The following INVS variants were observed in gnomAD, a reference collection of about 807,000 sequenced individuals.
INVS encodes the protein inversion of embryo turning homolog.
In INVS, 86 loss-of-function variants were observed where a neutral mutation model predicts 108.8. The observed-to-expected ratio is 0.79, with a 90% CI of 0.66 to 0.95. INVS has a LOEUF of 0.95. Among genes scored for constraint, INVS ranks in the 40% least tolerant of loss-of-function variants. The probability of loss-of-function intolerance (pLI) is 0.00; values close to 1 mark genes in which losing one functional copy is unlikely to be tolerated. For synonymous variants in INVS, 455 were observed against 473.5 expected, an observed-to-expected ratio of 0.96 and a Z score of 0.51; for missense variants, 1,169 against 1,297.4, an observed-to-expected ratio of 0.90 and a Z score of 1.52.
At chr9:100,100,929 A>ATATTATATATT (rs1564112297) in intron 1 of INVS, among the ~76,000 whole-genome samples, 1 of 24,332 alleles carries the variant, frequency 4.1e-5, no homozygotes, top group Non-Finnish European at 6.2e-5. Context: ...TATATATATA[A>ATATTATATATT]TATATATAAT....
chr9:100,100,647 T>TAC (rs1826824961), intron 1 of INVS, among the ~76,000 whole-genome samples: 2 of 36,498 alleles, frequency 5.5e-5, no homozygotes, highest in South Asian at 1.5e-3. Context: ...ATTATATATG[T>TAC]ATATATAATA....
At chr9:100,300,487 T>C (rs1479167954) in intron 16 of INVS, 81 bp from the exon 17 acceptor site, 4 of 987,482 alleles carry the variant, frequency 4.1e-6, no homozygotes, top group Admixed American at 1.8e-5. Context: ...CCGAAATCCT[T>C]CTTCCTCAAC....
chr9:100,102,256 G>A (rs985013328), intron 1 of INVS, among the ~76,000 whole-genome samples: 120 of 151,894 alleles, frequency 7.9e-4, no homozygotes, highest in African/African-American at 2.8e-3. Context: ...TGCCACCACA[G>A]CCCAGCTAAT....
In INVS at chr9:100,161,613, A is replaced by AGATG. The variant is rs553912870; in HGVS notation, c.273+35094_273+35097dup. Among the ~76,000 whole-genome samples, 1,284 of 151,748 alleles carry AGATG rather than the reference A, an allele frequency of 8.5e-3. 7 individuals carry two copies. Among genetic ancestry groups the AGATG allele is most frequent in the Non-Finnish European group, 0.011 (729 of 67,872 alleles). On this transcript the variant is annotated intron_variant, in intron 3 of 16. Coordinates refer to ENST00000262457, the MANE Select transcript of INVS (RefSeq NM_014425.5). Reference sequence around the variant, plus strand: ...CCATAATGCTGTTGAGTGGCTGGCCAGATGGATGGATGGATGGATGGATGG... The same window carrying AGATG: ...CCATAATGCTGTTGAGTGGCTGGCCAGATGGATGGATGGATGGATGGATGGATGG...
At chr9:100,172,057 T>G (rs924914458) in intron 3 of INVS, among the ~76,000 whole-genome samples, 2 of 152,080 alleles carry the variant, frequency 1.3e-5, no homozygotes, top group South Asian at 2.1e-4. Context: ...GGACACATAG[T>G]CTAAAGAGTC....
At chr9:100,177,142 T>G (rs1418664639) in intron 3 of INVS, among the ~76,000 whole-genome samples, 3 of 152,076 alleles carry the variant, frequency 2.0e-5, no homozygotes, top group Non-Finnish European at 4.4e-5. Context: ...ATCAGGAGAT[T>G]CCCTTGGGTG....
intron 2 of INVS, among the ~76,000 whole-genome samples, chr9:100,125,681 A>ATTTTTT (rs68122542): frequency 2.0e-5 from 2 of 99,028 alleles, no homozygotes; most frequent in Admixed American, 1.1e-4. Context: ...ATCAACTGTG[A>ATTTTTT]TTTTTTTTTT....
At chr9:100,222,819 CT>C (rs201620953) in intron 3 of INVS, among the ~76,000 whole-genome samples, 11,267 of 137,280 alleles carry the variant, frequency 0.082, 683 homozygotes, top group African/African-American at 0.19. Flanking sequence ...CCTGGGCAAA[CT>C]TTTTTTTTTT....
intron 2 of INVS, among the ~76,000 whole-genome samples, chr9:100,125,226 C>T (rs905926914): frequency 3.3e-5 from 5 of 152,134 alleles, no homozygotes; most frequent in African/African-American, 7.2e-5. Context: ...TTGCTTAATT[C>T]GGGGCATTGA....
At chr9:100,103,148 C>T (rs781000696) in intron 1 of INVS, among the ~76,000 whole-genome samples, 5 of 152,024 alleles carry the variant, frequency 3.3e-5, no homozygotes, top group Admixed American at 2.0e-4. Context: ...CCATCACACC[C>T]GGCCTTAACT....
chr9:100,113,884 C>G (rs1023158478), intron 2 of INVS, among the ~76,000 whole-genome samples: 3 of 152,114 alleles, frequency 2.0e-5, no homozygotes, highest in African/African-American at 7.2e-5. Context: ...AAAGAAAACA[C>G]TTTCATTTTG....
intron 12 of INVS, among the ~76,000 whole-genome samples, chr9:100,280,194 C>G (rs1295931760): frequency 6.6e-6 from 1 of 152,180 alleles, no homozygotes; most frequent in Non-Finnish European, 1.5e-5. Context: ...GGGAATATCT[C>G]TGCCCCACAA....
At chr9:100,239,089 AC>A (rs1831783287) in intron 5 of INVS, among the ~76,000 whole-genome samples, 1 of 152,244 alleles carries the variant, frequency 6.6e-6, no homozygotes, top group Non-Finnish European at 1.5e-5. Flanking sequence ...ATGTGACAAT[AC>A]CTGTTTGAAG....
chr9:100,122,669 C>T (rs928364163), intron 2 of INVS, among the ~76,000 whole-genome samples: 4 of 144,780 alleles, frequency 2.8e-5, no homozygotes, highest in East Asian at 2.0e-4. Flanking sequence ...CTGCAAGCTC[C>T]GTCTCCCGGG....
At chr9:100,260,014 G>T (rs1832566004) in intron 10 of INVS, among the ~76,000 whole-genome samples, 1 of 151,178 alleles carries the variant, frequency 6.6e-6, no homozygotes, top group Non-Finnish European at 1.5e-5. Flanking sequence ...TGGGATTACA[G>T]GCGCACACCA....
intron 14 of INVS, 141 bp from the exon 15 acceptor site, chr9:100,296,776 G>A (rs927289133): frequency 1.1e-5 from 8 of 699,246 alleles, no homozygotes; most frequent in Admixed American, 7.2e-5. Flanking sequence ...ACATGCTGCC[G>A]CCAAAATTAG....
chr9:100,229,229 G>C (rs574488779), intron 4 of INVS, among the ~76,000 whole-genome samples: 12 of 152,212 alleles, frequency 7.9e-5, no homozygotes, highest in African/African-American at 2.9e-4. Context: ...CAATAATTTT[G>C]AGCTTTGGGG....
intron 12 of INVS, among the ~76,000 whole-genome samples, chr9:100,276,151 T>C (rs1416086122): frequency 1.3e-5 from 2 of 152,302 alleles, no homozygotes; most frequent in Middle Eastern, 3.4e-3. Context: ...TGAAAATGTA[T>C]CTACTCTTAA....
chr9:100,302,160 ACAACTT>A lies in INVS; in HGVS notation c.*1490_*1495del. 1 of 1,322,784 alleles carries A rather than the reference ACAACTT, an allele frequency of 7.6e-7. No homozygotes were observed. The highest frequency in any genetic ancestry group is 1.0e-6 in the Non-Finnish European group (1 of 954,070). The allele number at this position is 1,322,784 out of a possible 1,614,324, so 81.9% of individuals were successfully genotyped here. A position where few individuals can be genotyped will look rare whatever the true frequency, so the allele number is the denominator to read the frequency against. On this transcript the variant is annotated 3_prime_UTR_variant, in exon 17 of 17. Transcript: ENST00000262457. Reference sequence around the variant, plus strand: ...CTTCAAATAAGATAGATGTGAATAAACAACTTCAAACAGGAGGTACTATGGCCTCTT... The same window carrying A: ...CTTCAAATAAGATAGATGTGAATAAACAAACAGGAGGTACTATGGCCTCTT...
Sources: allele counts gnomAD v4.1 joint callset (sites outside exome capture counted in the v4.1 genomes callset), GRCh38; gene constraint gnomAD v4.1.1; transcripts MANE v1.5; gene names NCBI Gene and HGNC (gene_info 2026-07-23, HGNC 2026-07-21).